Variants in TIAM2 observed in about 807,000 individuals in gnomAD.
The protein encoded by TIAM2 is rho guanine nucleotide exchange factor TIAM2.
A neutral mutation model predicts 152.9 loss-of-function variants in TIAM2; 80 were observed. That is an observed-to-expected ratio of 0.52 (90% CI 0.44 to 0.63). TIAM2 has a LOEUF of 0.63. Among genes scored for constraint, TIAM2 ranks in the 30% least tolerant of loss-of-function variants. TIAM2 has a pLI of 0.00. For missense variants in TIAM2, 1,965 were observed against 2,120.1 expected, an observed-to-expected ratio of 0.93 and a Z score of 1.44; for synonymous variants, 804 against 838.0, an observed-to-expected ratio of 0.96 and a Z score of 0.70.
intron 2 of TIAM2, among the ~76,000 whole-genome samples, chr6:155,123,888 A>G (rs1463299905): frequency 6.6e-6 from 1 of 152,264 alleles, no homozygotes; most frequent in Non-Finnish European, 1.5e-5. Context: ...TCACTGTGAC[A>G]GTCTGAGTGG....
chr6:155,132,288 GA>G (rs1779466781), intron 4 of TIAM2, among the ~76,000 whole-genome samples: 1 of 148,472 alleles, frequency 6.7e-6, no homozygotes, highest in Non-Finnish European at 1.5e-5. Flanking sequence ...ATTATATAGA[GA>G]TTTAGGGGTG....
Position 155,096,582 on chromosome 6 carries a change from C to G in TIAM2, c.-118+6203C>G, listed in dbSNP as rs117583134. 2.6e-5 allele frequency among the ~76,000 whole-genome samples: 4 copies of G among 152,082 alleles called. No individual in the cohort carries two copies. In the East Asian group the frequency reaches 7.7e-4, roughly 29 times the overall value. ...GACTTACTTTTTTTCTTTTTTTTAT[C>G]TCCCACATGTAAGTGAGAACATGTG... is the stretch of plus-strand genomic sequence containing the variant. On this transcript the variant is annotated intron_variant, in intron 2 of 26. Transcript: ENST00000682666.
intron 21 of TIAM2, 33 bp from the exon 22 acceptor site, chr6:155,250,880 G>T (rs371193626): frequency 6.3e-7 from 1 of 1,598,388 alleles, no homozygotes; most frequent in Non-Finnish European, 8.6e-7. Flanking sequence ...TGGGATTTCC[G>T]TATCTTCCTT....
intron 2 of TIAM2, among the ~76,000 whole-genome samples, chr6:155,116,418 GT>G (rs11283985): frequency 0.18 from 28,088 of 152,048 alleles, 3,715 homozygotes; most frequent in African/African-American, 0.37. Flanking sequence ...AAAAACCCTT[GT>G]TGAAGTAGAA....
chr6:155,219,914 A>G (rs1359555506), intron 15 of TIAM2, among the ~76,000 whole-genome samples: 1 of 152,226 alleles, frequency 6.6e-6, no homozygotes, highest in East Asian at 1.9e-4. Flanking sequence ...TCCAAAAGAC[A>G]GCGTTCCAAG....
Position 155,164,133 on chromosome 6 carries a change from G to GTTTT in TIAM2, c.2029-273_2029-270dup, listed in dbSNP as rs375238178. 4.7e-4 allele frequency among the ~76,000 whole-genome samples: 56 copies of GTTTT among 118,044 alleles called. 14 individuals carry two copies. Among genetic ancestry groups the GTTTT allele is most frequent in the Non-Finnish European group, 5.5e-4 (32 of 58,016 alleles). The allele number at this position is 118,044 out of a possible 152,430, so 77.4% of individuals were successfully genotyped here. A position where few individuals can be genotyped will look rare whatever the true frequency, so the allele number is the denominator to read the frequency against. On this transcript the variant is annotated intron_variant, in intron 7 of 26. Transcript: ENST00000682666. ...TGGCACCACACCAGCTAATTTTTGT[G>GTTTT]TTTTTTTTTTTTCTTTTTTTTAGTA...
intron 7 of TIAM2, among the ~76,000 whole-genome samples, chr6:155,155,125 GTTATTTT>G (rs928356568): frequency 7.9e-5 from 12 of 152,074 alleles, no homozygotes; most frequent in Non-Finnish European, 1.0e-4. Flanking sequence ...TGGTGAAAGT[GTTATTTT>G]TTATTTTTTA....
chr6:155,153,621 C>CT (rs35672714), intron 7 of TIAM2, among the ~76,000 whole-genome samples: 6,201 of 105,236 alleles, frequency 0.059, 485 homozygotes, highest in South Asian at 0.088. Flanking sequence ...GCTGTTTACG[C>CT]TTTTTTTTTT....
intron 14 of TIAM2, among the ~76,000 whole-genome samples, chr6:155,190,996 C>A (rs1013826200): frequency 6.6e-6 from 1 of 152,190 alleles, no homozygotes; most frequent in Non-Finnish European, 1.5e-5. Context: ...GAAGTGAGAT[C>A]ATTGGGAAGG....
chr6:155,011,829 G>C (rs1426934087), intron 1 of TIAM2, among the ~76,000 whole-genome samples: 1 of 152,224 alleles, frequency 6.6e-6, no homozygotes, highest in Non-Finnish European at 1.5e-5. Context: ...AATTATTCTT[G>C]TAAATGCAGA....
chr6:155,203,881 C>T (rs1398908949), intron 14 of TIAM2, among the ~76,000 whole-genome samples: 1 of 152,172 alleles, frequency 6.6e-6, no homozygotes. Context: ...TTTGCATCCT[C>T]TGATGCCACT....
chr6:155,089,499 G>A (rs7747403), intron 1 of TIAM2, among the ~76,000 whole-genome samples: 4,368 of 152,272 alleles, frequency 0.029, 107 homozygotes, highest in African/African-American at 0.063. Context: ...GAGCCACCGT[G>A]CCTGGCCTCA....
intron 7 of TIAM2, 106 bp downstream of exon 7, chr6:155,148,440 G>C (rs1779869089): frequency 8.6e-7 from 1 of 1,163,936 alleles, no homozygotes; most frequent in African/African-American, 1.5e-5. Context: ...ACATCTTGGT[G>C]GTATTTCTTA....
rs962612776 is a variant in TIAM2 at position 155,186,669 on chromosome 6, C to T, written c.3064+3169C>T. 6.6e-6 allele frequency among the ~76,000 whole-genome samples: 1 copy of T among 152,142 alleles called. No individual in the cohort carries two copies. Among genetic ancestry groups the T allele is most frequent in the African/African-American group, 2.4e-5 (1 of 41,424 alleles). ...CAGGAATTCTGAAAACGTGCTTCTC[C>T]TCCTCCTCCCTCGCTTTTGCAGCTT... On this transcript the variant is annotated intron_variant, in intron 14 of 26. Transcript: ENST00000682666. The surrounding 1 kb of genome is among the most constrained non-coding windows in gnomAD (Gnocchi z 4.5).
chr6:155,049,708 G>T (rs1328699882), intron 1 of TIAM2, among the ~76,000 whole-genome samples: 2 of 152,118 alleles, frequency 1.3e-5, no homozygotes, highest in Non-Finnish European at 2.9e-5. Flanking sequence ...TGGTGTAAAT[G>T]GTTAGTTAGA....
chr6:155,098,361 G>T (rs1216913640), intron 2 of TIAM2, among the ~76,000 whole-genome samples: 3 of 152,066 alleles, frequency 2.0e-5, no homozygotes, highest in African/African-American at 7.2e-5. Flanking sequence ...TTTTATCAGT[G>T]TGTTACAGTT....
intron 19 of TIAM2, 99 bp from the exon 20 acceptor site, chr6:155,247,901 G>A: frequency 7.1e-7 from 1 of 1,401,218 alleles, no homozygotes; most frequent in Non-Finnish European, 9.8e-7. Context: ...GCATTAGGAG[G>A]ACTATAGAAA....
intron 10 of TIAM2, among the ~76,000 whole-genome samples, chr6:155,178,110 G>A (rs1025904650): frequency 6.8e-6 from 1 of 147,898 alleles, no homozygotes; most frequent in Non-Finnish European, 1.5e-5. Context: ...GCCTTAAGCC[G>A]AGATGGCTCC....
At chr6:155,029,303 CTATGTGTTATATATACTATATGTACTA>C (rs2114883374) in intron 1 of TIAM2, among the ~76,000 whole-genome samples, 1 of 115,500 alleles carries the variant, frequency 8.7e-6, no homozygotes, top group Admixed American at 1.2e-4. Context: ...ACTATATGTA[CTATGTGTTATATATACTATATGTACTA>C]TGTGTTATAT....
Sources: gnomAD v4.1 joint callset for allele counts (sites outside exome capture counted in the v4.1 genomes callset) on GRCh38, gnomAD v4.1.1 for gene constraint, Gnocchi (gnomAD v3.1) non-coding constraint, MANE v1.5 for transcripts, NCBI Gene and HGNC (gene_info 2026-07-23, HGNC 2026-07-21) for gene names.